The following SORCS3 variants were observed in gnomAD, a reference collection of about 807,000 sequenced individuals.
SORCS3 encodes VPS10 domain-containing receptor SorCS3.
In SORCS3, 57 loss-of-function variants were observed where a neutral mutation model predicts 146.3. That is an observed-to-expected ratio of 0.39 (90% CI 0.31 to 0.49). The LOEUF (loss-of-function observed/expected upper bound fraction) is 0.49, where lower values mean the gene tolerates loss of function less well. SORCS3 is among the 20% of genes least tolerant of loss of function. SORCS3 has a pLI of 0.92. For missense variants in SORCS3, 1,341 were observed against 1,575.5 expected (o/e 0.85, Z 2.52); for synonymous variants, 653 against 618.5 (o/e 1.06, Z -0.83).
At position 104,790,879 on chromosome 10, in the gene SORCS3, C is replaced by G. The variant is rs117458159; in HGVS notation, c.628-51913C>G. Among the ~76,000 whole-genome samples, 155 of 152,346 alleles carry G rather than the reference C, an allele frequency of 1.0e-3. 2 individuals are homozygous for G. In the East Asian group the frequency reaches 0.021, roughly 21 times the overall value. ...TATTGAATGAAGCTGGCTCAACCCT[C>G]TCTTCTTTGTTTTAAGGATGAAGAA... On this transcript the variant is annotated intron_variant, in intron 1 of 26. Transcript: ENST00000369701.
chr10:105,072,909 G>T (rs1007110835), intron 5 of SORCS3, among the ~76,000 whole-genome samples: 2 of 152,000 alleles, frequency 1.3e-5, no homozygotes, highest in Non-Finnish European at 2.9e-5. Context: ...CTATGCTAAG[G>T]GTGTCACAGT....
At chr10:105,106,293 T>C (rs2055821389) in intron 7 of SORCS3, among the ~76,000 whole-genome samples, 1 of 152,222 alleles carries the variant, frequency 6.6e-6, no homozygotes, top group Non-Finnish European at 1.5e-5. Flanking sequence ...GAAAACTCCC[T>C]GAGTTGGCTC....
At chr10:105,243,025 A>ATTTATATATATT (rs1564794018) in intron 20 of SORCS3, among the ~76,000 whole-genome samples, 1 of 129,208 alleles carries the variant, frequency 7.7e-6, no homozygotes, top group Non-Finnish European at 1.6e-5. Context: ...ATATTTATAC[A>ATTTATATATATT]TATATATTTA....
rs114332727 is a variant in SORCS3 at position 105,130,181 on chromosome 10, A to G, written c.1213-9216A>G. On this transcript the variant is annotated intron_variant, in intron 7 of 26. Coordinates refer to ENST00000369701, the MANE Select transcript of SORCS3 (RefSeq NM_014978.3). Reference sequence around the variant, plus strand: ...CTAATATCTGTTTTCCATGAGAGAAAATTAGGCAGGTTAAATTACTTGTAC... The same window carrying G: ...CTAATATCTGTTTTCCATGAGAGAAGATTAGGCAGGTTAAATTACTTGTAC... Among the ~76,000 whole-genome samples, 1,241 of 152,272 alleles carry G rather than the reference A, an allele frequency of 8.1e-3. 19 individuals carry two copies. Among genetic ancestry groups the G allele is most frequent in the African/African-American group, 0.028 (1,180 of 41,564 alleles).
chr10:105,114,996 C>T (rs2055883674), intron 7 of SORCS3, among the ~76,000 whole-genome samples: 1 of 152,008 alleles, frequency 6.6e-6, no homozygotes. Flanking sequence ...GAAGTACTAG[C>T]AATTAACAAG....
intron 22 of SORCS3, among the ~76,000 whole-genome samples, chr10:105,251,902 T>C (rs1412107253): frequency 6.6e-6 from 1 of 152,224 alleles, no homozygotes; most frequent in Non-Finnish European, 1.5e-5. Flanking sequence ...ATATTTGTAT[T>C]TTTATAGAGT....
chr10:104,921,503 C>CTGTG (rs752411926), intron 3 of SORCS3, among the ~76,000 whole-genome samples: 198 of 143,586 alleles, frequency 1.4e-3, no homozygotes, highest in South Asian at 3.4e-3. Flanking sequence ...CTCTCTCTCT[C>CTGTG]TGTGTGTGTG....
intron 19 of SORCS3, among the ~76,000 whole-genome samples, chr10:105,220,028 A>G (rs1476759434): frequency 1.3e-5 from 2 of 152,198 alleles, no homozygotes; most frequent in East Asian, 3.8e-4. Flanking sequence ...CCATTAGCTA[A>G]CAAAAGTAGT....
chr10:105,140,788 G>C (rs543894761), intron 8 of SORCS3, among the ~76,000 whole-genome samples: 2 of 152,276 alleles, frequency 1.3e-5, no homozygotes, highest in South Asian at 4.1e-4. Flanking sequence ...AGTAGCTTCA[G>C]GGGCAATGGG....
intron 7 of SORCS3, among the ~76,000 whole-genome samples, chr10:105,136,022 A>G (rs2056056817): frequency 6.6e-6 from 1 of 152,178 alleles, no homozygotes; most frequent in South Asian, 2.1e-4. Flanking sequence ...ATTCACTTCA[A>G]AACTGTTCAT....
chr10:105,261,936 A>C (rs188448547), intron 25 of SORCS3, among the ~76,000 whole-genome samples: 107 of 152,356 alleles, frequency 7.0e-4, no homozygotes, highest in African/African-American at 2.5e-3. Flanking sequence ...GATTGATTAA[A>C]TTGATGCAAC....
At chr10:104,687,881 A>C (rs2016066809) in intron 1 of SORCS3, among the ~76,000 whole-genome samples, 1 of 152,192 alleles carries the variant, frequency 6.6e-6, no homozygotes, top group African/African-American at 2.4e-5. Flanking sequence ...TATGGTTTTC[A>C]TGAGGATTTG....
chr10:104,977,488 C>G lies in SORCS3; in HGVS notation c.949C>G (p.Gln317Glu), dbSNP rs774038387. 2 of 1,603,124 alleles carry G rather than the reference C, an allele frequency of 1.2e-6. No homozygotes were observed. Among genetic ancestry groups the G allele is most frequent in the South Asian group, 2.2e-5 (2 of 89,474 alleles). ...CTGGGTGCTGGCCTACAGTTTGGAT[C>G]AAAAGGTGAATAAATACTATTTTCA... ...EDWVLAYSLD[Q>E]KLYSSMDFGR... Residue 317 changes from glutamine (Q) to glutamate (E), a missense_variant, in exon 4 of 27, where the codon CAA becomes GAA. By Grantham distance (29) the Gln-to-Glu change is conservative. Coordinates refer to ENST00000369701, the MANE Select transcript of SORCS3 (RefSeq NM_014978.3).
intron 1 of SORCS3, among the ~76,000 whole-genome samples, chr10:104,763,540 A>G (rs374983554): frequency 1.3e-5 from 2 of 152,330 alleles, no homozygotes; most frequent in South Asian, 4.1e-4. Context: ...ACAAATATGT[A>G]TTGATAGCTG....
intron 4 of SORCS3, among the ~76,000 whole-genome samples, chr10:104,995,379 C>T (rs2055020281): frequency 6.6e-6 from 1 of 152,072 alleles, no homozygotes; most frequent in Non-Finnish European, 1.5e-5. Context: ...AGGCTGGTCT[C>T]AAACTCCTGA....
At position 104,658,872 on chromosome 10, in the gene SORCS3, G is replaced by GT. The variant is rs372849715; in HGVS notation, c.627+16928dup. On this transcript the variant is annotated intron_variant, in intron 1 of 26. Transcript: ENST00000369701. ...TTTTTTGTTTTTTGCTTTTGTTTTT[G>GT]TTTTTTTTTTGGTTGTGACTAAACT... 1.7e-3 allele frequency among the ~76,000 whole-genome samples: 251 copies of GT among 144,708 alleles called. 1 individual carries two copies. Among genetic ancestry groups the GT allele is most frequent in the East Asian group, 5.4e-3 (27 of 5,008 alleles). The allele number at this position is 144,708 out of a possible 152,430, so 94.9% of individuals were successfully genotyped here.
chr10:104,680,674 C>T (rs945066948), intron 1 of SORCS3, among the ~76,000 whole-genome samples: 2 of 152,254 alleles, frequency 1.3e-5, no homozygotes, highest in African/African-American at 4.8e-5. Context: ...GTGAGGGGCA[C>T]AGACCAGTGT....
intron 1 of SORCS3, among the ~76,000 whole-genome samples, chr10:104,802,421 G>A (rs576967191): frequency 2.0e-5 from 3 of 152,290 alleles, no homozygotes; most frequent in Non-Finnish European, 2.9e-5. Flanking sequence ...TGAACTGATG[G>A]ATCTCTTTGG....
At chr10:105,056,861 CTCTTT>C (rs2055449236) in intron 5 of SORCS3, among the ~76,000 whole-genome samples, 1 of 152,136 alleles carries the variant, frequency 6.6e-6, no homozygotes, top group South Asian at 2.1e-4. Context: ...CTTTCTTGCT[CTCTTT>C]TAAGTTTTGT....
Sources: allele counts gnomAD v4.1 joint callset (sites outside exome capture counted in the v4.1 genomes callset), GRCh38; gene constraint gnomAD v4.1.1; transcripts MANE v1.5; gene names NCBI Gene and HGNC (gene_info 2026-07-23, HGNC 2026-07-21).